The following UBASH3A variants were observed in gnomAD, a reference collection of about 807,000 sequenced individuals.
The protein encoded by UBASH3A is ubiquitin-associated and SH3 domain-containing protein A.
Under a neutral mutation model 73.5 loss-of-function variants are expected in UBASH3A, and 63 were observed. The ratio of observed to expected loss-of-function variants is 0.86; its 90% CI spans 0.70 to 1.06. UBASH3A has a LOEUF of 1.06. UBASH3A is among the 50% of genes least tolerant of loss of function. The pLI is 0.00. For synonymous variants in UBASH3A, 363 were observed against 351.1 expected, an observed-to-expected ratio of 1.03 and a Z score of -0.38; for missense variants, 860 against 859.0, an observed-to-expected ratio of 1.00 and a Z score of -0.02.
intron 14 of UBASH3A, among the ~76,000 whole-genome samples, chr21:42,445,723 G>A (rs2053832317): frequency 6.6e-6 from 1 of 152,204 alleles, no homozygotes; most frequent in African/African-American, 2.4e-5. Flanking sequence ...CTCTGCACCT[G>A]AGTAGAAACA....
chr21:42,411,090 C>A (rs769269008), intron 3 of UBASH3A, among the ~76,000 whole-genome samples: 1 of 149,650 alleles, frequency 6.7e-6, no homozygotes, highest in Non-Finnish European at 1.5e-5. Flanking sequence ...CACACAGAGA[C>A]ACAGATACAC....
chr21:42,431,547 C>A (rs968451478), intron 8 of UBASH3A, among the ~76,000 whole-genome samples: 1 of 152,224 alleles, frequency 6.6e-6, no homozygotes, highest in Non-Finnish European at 1.5e-5. Context: ...CAGAGAATGA[C>A]CAGCTATGGG....
In UBASH3A at chr21:42,434,867, A is replaced by C. The variant is rs1555870116; in HGVS notation, c.1306A>C (p.Ser436Arg). ...YYRPDLNFPC[S>R]LPRRSRGIKD... ...CAGGCCAGACCTGAATTTCCCCTGCAGTCTGCCAAGACGGAGTCGTGGGAT... is the reference window on the plus strand; with the variant it reads ...CAGGCCAGACCTGAATTTCCCCTGCCGTCTGCCAAGACGGAGTCGTGGGAT... Residue 436 changes from serine to arginine, a missense_variant, in exon 10 of 15, where the codon AGT becomes CGT. By Grantham distance (110) the Ser-to-Arg change is moderately radical (BLOSUM62 -1). Coordinates refer to ENST00000319294, the MANE Select transcript of UBASH3A (RefSeq NM_018961.4). 1 of 1,614,094 alleles carries C rather than the reference A, an allele frequency of 6.2e-7. No homozygotes were observed. The highest frequency in any genetic ancestry group is 1.1e-5 in the South Asian group (1 of 91,088).
chr21:42,446,951 C>G, intron 14 of UBASH3A, 106 bp from the exon 15 acceptor site: 1 of 1,345,736 alleles, frequency 7.4e-7, no homozygotes, highest in Non-Finnish European at 1.0e-6. Flanking sequence ...TGGGCAGTCG[C>G]AGACCCTCCA....
intron 1 of UBASH3A, 85 bp from the exon 2 acceptor site, chr21:42,406,223 G>T (rs1601551631): frequency 9.1e-7 from 1 of 1,100,860 alleles, no homozygotes; most frequent in Non-Finnish European, 1.4e-6. Flanking sequence ...AAAGATCCTG[G>T]GTGTGCAAGG....
At chr21:42,430,648 G>A (rs1350541784) in intron 8 of UBASH3A, among the ~76,000 whole-genome samples, 5 of 152,124 alleles carry the variant, frequency 3.3e-5, no homozygotes, top group Non-Finnish European at 2.9e-5. Flanking sequence ...CCCACCTCCC[G>A]TGGCAGGCCG....
At chr21:42,424,406 T>C (rs1052486864) in intron 7 of UBASH3A, among the ~76,000 whole-genome samples, 2 of 152,242 alleles carry the variant, frequency 1.3e-5, no homozygotes, top group African/African-American at 2.4e-5. Context: ...TTTGGACTTA[T>C]CTACCGCAAA....
chr21:42,421,472 T>C (rs1276484597), intron 7 of UBASH3A, among the ~76,000 whole-genome samples: 1 of 152,208 alleles, frequency 6.6e-6, no homozygotes, highest in Non-Finnish European at 1.5e-5. Context: ...CCTAAAATGC[T>C]CCACAGCTTC....
intron 2 of UBASH3A, among the ~76,000 whole-genome samples, chr21:42,408,883 AAAAATAAAAT>A (rs537094372): frequency 0.15 from 17,050 of 114,872 alleles, 1,294 homozygotes; most frequent in East Asian, 0.2. Context: ...ACTCCATCTC[AAAAATAAAAT>A]AAAATAAAAT....
chr21:42,426,966 C>A, intron 8 of UBASH3A, 146 bp downstream of exon 8: 1 of 1,024,304 alleles, frequency 9.8e-7, no homozygotes, highest in Non-Finnish European at 1.4e-6. Context: ...GCAAGGGGGC[C>A]TCCCAGGTCT....
At position 42,409,992 on chromosome 21, in the gene UBASH3A, T is replaced by G. The variant is rs1403493981; in HGVS notation, c.354+384T>G. ...GGGAAGGCAGATACCTCACTCATCT[T>G]TGCACCCCCAGAAACTAGCACAGCC... On this transcript the variant is annotated intron_variant, in intron 3 of 14. Transcript: ENST00000319294. 36 of 683,936 alleles carry G rather than the reference T, an allele frequency of 5.3e-5. No individual in the cohort carries two copies. The East Asian group carries it at 9.5e-4, about 18-fold the overall frequency. 42.4% of individuals were successfully genotyped at this position (683,936 alleles called of 1,614,324 possible).
At chr21:42,431,200 G>A (rs2053522426) in intron 8 of UBASH3A, among the ~76,000 whole-genome samples, 1 of 152,190 alleles carries the variant, frequency 6.6e-6, no homozygotes, top group South Asian at 2.1e-4. Flanking sequence ...GCCCTGCACA[G>A]CATGGGGAGA....
chr21:42,431,922 A>G (rs2053538367), intron 8 of UBASH3A, among the ~76,000 whole-genome samples, 181 bp from the exon 9 acceptor site: 1 of 152,180 alleles, frequency 6.6e-6, no homozygotes. Context: ...GAAATTGAAG[A>G]GATTGTCAAT....
chr21:42,413,604 A>T lies in UBASH3A; in HGVS notation c.667+81A>T. 9.1e-7 allele frequency: 1 copy of T among 1,098,722 alleles called. No individual in the cohort carries two copies. The highest frequency in any genetic ancestry group is 1.3e-6 in the Non-Finnish European group (1 of 753,068). The allele number at this position is 1,098,722 out of a possible 1,614,324, so 68.1% of individuals were successfully genotyped here. ...GCCTTGTTCTCATTATGTGGTTTTTAAAATGCTTAGCTATATGCCAACAGC... is the reference window on the plus strand; with the variant it reads ...GCCTTGTTCTCATTATGTGGTTTTTTAAATGCTTAGCTATATGCCAACAGC... On this transcript the variant is annotated intron_variant, in intron 5 of 14. Coordinates refer to ENST00000319294, the MANE Select transcript of UBASH3A (RefSeq NM_018961.4). This position sits in a 1 kb window ranked among gnomAD's most constrained non-coding sequence, Gnocchi z 4.5.
intron 7 of UBASH3A, among the ~76,000 whole-genome samples, chr21:42,425,382 A>T (rs568053571): frequency 6.6e-6 from 1 of 152,334 alleles, no homozygotes; most frequent in South Asian, 2.1e-4. Context: ...CTGTCTGCAG[A>T]GCGAGCCGCA....
At chr21:42,418,372 G>A (rs1308372748) in intron 6 of UBASH3A, 29 bp from the exon 7 acceptor site, 1 of 1,594,884 alleles carries the variant, frequency 6.3e-7, no homozygotes, top group Admixed American at 1.7e-5. Flanking sequence ...CTTTGCTCGA[G>A]ACGTGAAACC....
chr21:42,430,476 G>A (rs1026692827), intron 8 of UBASH3A, among the ~76,000 whole-genome samples: 4 of 152,134 alleles, frequency 2.6e-5, no homozygotes, highest in African/African-American at 9.7e-5. Context: ...ACACACAAGA[G>A]CTGCCCTCTC....
chr21:42,430,622 C>T (rs2053511514), intron 8 of UBASH3A, among the ~76,000 whole-genome samples: 1 of 152,190 alleles, frequency 6.6e-6, no homozygotes, highest in South Asian at 2.1e-4. Context: ...GATTTGGTCC[C>T]CAGAAGGCCC....
At chr21:42,410,125 G>A (rs374030507) in intron 3 of UBASH3A, 16 of 702,272 alleles carry the variant, frequency 2.3e-5, no homozygotes, top group African/African-American at 1.2e-4. Context: ...GGGACCAGCC[G>A]TCTGATTCAG....
Sources: allele counts gnomAD v4.1 joint callset (sites outside exome capture counted in the v4.1 genomes callset), GRCh38; gene constraint gnomAD v4.1.1; non-coding constraint Gnocchi (gnomAD v3.1); transcripts MANE v1.5; gene names NCBI Gene and HGNC (gene_info 2026-07-23, HGNC 2026-07-21).